ZC3H11A: variants seen among roughly 807,000 people sequenced by gnomAD.
ZC3H11A encodes zinc finger CCCH-type containing 11A, also known as zinc finger CCCH domain-containing protein 11A.
A neutral mutation model predicts 90.8 loss-of-function variants in ZC3H11A; 22 were observed. The ratio of observed to expected loss-of-function variants is 0.24; its 90% CI spans 0.17 to 0.35. The LOEUF is 0.35. Ranked by LOEUF, ZC3H11A falls within the 10% of genes least tolerant of loss-of-function variation. ZC3H11A has a pLI of 1.00. For synonymous variants in ZC3H11A, 294 were observed against 339.8 expected (o/e 0.87, Z 1.48); for missense variants, 701 against 964.9 (o/e 0.73, Z 3.62).
chr1:203,811,201 G>A (rs1270770294), intron 2 of ZC3H11A, among the ~76,000 whole-genome samples: 8 of 151,412 alleles, frequency 5.3e-5, no homozygotes, highest in African/African-American at 1.9e-4. Flanking sequence ...CCAGCTACTT[G>A]GGAGGCTGAG....
intron 12 of ZC3H11A, among the ~76,000 whole-genome samples, chr1:203,846,769 A>T (rs962656549): frequency 6.6e-6 from 1 of 152,232 alleles, no homozygotes; most frequent in African/African-American, 2.4e-5. Flanking sequence ...CTGAATAGAA[A>T]TACAAATCAA....
intron 4 of ZC3H11A, among the ~76,000 whole-genome samples, chr1:203,827,694 AAAGT>A (rs1395675521): frequency 1.7e-4 from 26 of 152,052 alleles, no homozygotes; most frequent in African/African-American, 4.1e-4. Flanking sequence ...AAAAAAAAAA[AAAGT>A]AAGGTGACTT....
At chr1:203,824,274 TAAAA>T (rs5780199) in intron 4 of ZC3H11A, among the ~76,000 whole-genome samples, 1 of 139,978 alleles carries the variant, frequency 7.1e-6, no homozygotes, top group Non-Finnish European at 1.5e-5. Context: ...ATCTCAAAAT[TAAAA>T]AAAAAAAAAA....
chr1:203,800,657 C>T lies in ZC3H11A; in HGVS notation c.-1587-918C>T, dbSNP rs527797103. 6.1e-4 allele frequency: 275 copies of T among 450,414 alleles called. 1 individual carries two copies. The highest frequency in any genetic ancestry group is 1.2e-3 in the Admixed American group (30 of 24,306). 27.9% of individuals were successfully genotyped at this position (450,414 alleles called of 1,614,324 possible). A position where few individuals can be genotyped will look rare whatever the true frequency, so the allele number is the denominator to read the frequency against. On this transcript the variant is annotated intron_variant, in intron 1 of 17. Coordinates refer to ENST00000367210, the MANE Select transcript of ZC3H11A (RefSeq NM_001376342.1). ...AAAGATTTCATAGCTATAACTGTGG[C>T]GCTAGCACTTGAAAATTTTGCTTAT...
intron 14 of ZC3H11A, 61 bp downstream of exon 14, chr1:203,848,468 T>G: frequency 8.6e-4 from 1,105 of 1,282,450 alleles, no homozygotes; most frequent in Middle Eastern, 1.2e-3. Context: ...TAATTGGTAG[T>G]TTTACCTTAC....
rs534962124 is a variant in ZC3H11A at position 203,840,605 on chromosome 1, A to ATTATTTATTTATTTAT, written c.1042+250_1042+265dup. ...TTCATCATAGCATTAATAGTAGGAAATTATTTATTTATTTATTTATTTATT... is the reference window on the plus strand; with the variant it reads ...TTCATCATAGCATTAATAGTAGGAAATTATTTATTTATTTATTTATTTATTTATTTATTTATTTATT... On this transcript the variant is annotated intron_variant, in intron 12 of 17. Coordinates refer to ENST00000367210, the MANE Select transcript of ZC3H11A (RefSeq NM_001376342.1). 4.7e-3 allele frequency among the ~76,000 whole-genome samples: 691 copies of ATTATTTATTTATTTAT among 147,692 alleles called. 4 individuals carry two copies. The highest frequency in any genetic ancestry group is 0.011 in the African/African-American group (452 of 40,482).
rs908687387 is a variant in ZC3H11A, at chr1:203,847,754, A to C, written c.1546+67A>C. The C allele has an allele frequency of 1.9e-6, 3 of 1,552,622 alleles. No homozygotes were observed. In the South Asian group the frequency reaches 3.7e-5, roughly 19 times the overall value. On this transcript the variant is annotated intron_variant, in intron 13 of 17. Transcript: ENST00000367210. ...ATATTCCAGAGGAGTGTTCCGTGGG[A>C]TCTTCCTAGGAGTTGTTTGACAACC...
intron 10 of ZC3H11A, among the ~76,000 whole-genome samples, chr1:203,837,582 C>T (rs544971759): frequency 6.6e-6 from 1 of 152,026 alleles, no homozygotes; most frequent in Admixed American, 6.6e-5. Context: ...TCAAGTGATC[C>T]TTCTGCTTCA....
At position 203,840,360 on chromosome 1, in the gene ZC3H11A, A is replaced by T; in HGVS notation, c.1028A>T (p.Asn343Ile). The change falls in exon 12 of 18, where the codon AAT (asparagine) becomes ATT (isoleucine). Residue 343 changes from asparagine (N) to isoleucine (I), a missense_variant. Asn to Ile is a moderately radical substitution (Grantham distance 149). This residue lies in a region of ZC3H11A where 530 missense variants were observed against 696.2 expected (regional missense o/e 0.76). Coordinates refer to ENST00000367210, the MANE Select transcript of ZC3H11A (RefSeq NM_001376342.1). ...TTAGGCATGTCAGCTGATCCAGATA[A>T]TGAGGATGCAACAGGTAAGTAAATC... ...ERLGMSADPD[N>I]EDATDKVNKV... 1 of 1,613,022 alleles carries T rather than the reference A, an allele frequency of 6.2e-7. No individual in the cohort carries two copies. Among genetic ancestry groups the T allele is most frequent in the Non-Finnish European group, 8.5e-7 (1 of 1,179,310 alleles).
intron 2 of ZC3H11A, chr1:203,806,147 C>T: frequency 2.0e-6 from 1 of 503,722 alleles, no homozygotes; most frequent in South Asian, 1.5e-5. Flanking sequence ...TTCACTAGCT[C>T]AGCATCCAAT....
At chr1:203,797,532 T>G in intron 1 of ZC3H11A, 1 of 1,513,338 alleles carries the variant, frequency 6.6e-7, no homozygotes, top group Non-Finnish European at 8.8e-7. Context: ...AATGAGTGTA[T>G]GTACTCTAAG....
At chr1:203,812,642 C>G (rs1674913093) in intron 2 of ZC3H11A, among the ~76,000 whole-genome samples, 1 of 136,282 alleles carries the variant, frequency 7.3e-6, no homozygotes, top group Non-Finnish European at 1.5e-5. Flanking sequence ...AGTATAGTGG[C>G]ATGATCTCGG....
At chr1:203,798,408 A>G in intron 1 of ZC3H11A, 2 of 1,532,172 alleles carry the variant, frequency 1.3e-6, no homozygotes, top group Non-Finnish European at 1.7e-6. Flanking sequence ...GAGCCGGGGT[A>G]GGCCAGGGTC....
intron 1 of ZC3H11A, chr1:203,798,803 T>C: frequency 4.6e-6 from 7 of 1,536,168 alleles, no homozygotes; most frequent in Non-Finnish European, 6.1e-6. Context: ...CTTACAACTA[T>C]TTCTCAACCC....
intron 4 of ZC3H11A, among the ~76,000 whole-genome samples, chr1:203,821,189 T>TTTGCTCGCGCTCTC (rs1243021190): frequency 6.6e-6 from 1 of 152,156 alleles, no homozygotes; most frequent in East Asian, 1.9e-4. Flanking sequence ...TGGGACTCCC[T>TTTGCTCGCGCTCTC]TTGCTCGCGC....
rs1159783945 is a variant in ZC3H11A at position 203,818,566 on chromosome 1, A to C, written c.55-4A>C. 2 of 1,613,978 alleles carry C rather than the reference A, an allele frequency of 1.2e-6. No individual in the cohort carries two copies. Among genetic ancestry groups the C allele is most frequent in the Non-Finnish European group, 8.5e-7 (1 of 1,179,934 alleles). On this transcript the variant is annotated splice_polypyrimidine_tract_variant and splice_region_variant and intron_variant, in intron 3 of 17. Coordinates refer to ENST00000367210, the MANE Select transcript of ZC3H11A (RefSeq NM_001376342.1). ...CAAATAGAGTGTTCTCTATTTGTTT[A>C]CAGGGTGACAGCTGCCCATTCCGTC... is the stretch of plus-strand genomic sequence containing the variant.
chr1:203,817,619 T>C (rs1676798607), intron 3 of ZC3H11A, among the ~76,000 whole-genome samples: 1 of 152,110 alleles, frequency 6.6e-6, no homozygotes, highest in Non-Finnish European at 1.5e-5. Context: ...GCTTAATCTT[T>C]GTCAAAACTT....
chr1:203,834,033 T>A (rs1347069498), intron 10 of ZC3H11A, 180 bp downstream of exon 10: 1 of 1,268,794 alleles, frequency 7.9e-7, no homozygotes, highest in East Asian at 3.1e-5. Context: ...ATACAGAGAT[T>A]TAAAGTGTTA....
At chr1:203,833,619 T>G (rs76202133) in intron 9 of ZC3H11A, among the ~76,000 whole-genome samples, 172 bp from the exon 10 acceptor site, 3 of 7,316 alleles carry the variant, frequency 4.1e-4, no homozygotes, top group African/African-American at 5.3e-4. Flanking sequence ...TAGGTTTGGG[T>G]TTTTTTTTTT....
Sources: allele counts gnomAD v4.1 joint callset (sites outside exome capture counted in the v4.1 genomes callset), GRCh38; gene constraint gnomAD v4.1.1; regional missense constraint gnomAD v4.1.1; transcripts MANE v1.5; gene names NCBI Gene and HGNC (gene_info 2026-07-23, HGNC 2026-07-21).